TEAD4: variants seen among roughly 807,000 people sequenced by gnomAD.
The protein encoded by TEAD4 is TEA domain transcription factor 4, also known as transcriptional enhancer factor TEF-3.
TEAD4 carries 36 observed loss-of-function variants against 52.4 expected under a neutral mutation model. The observed-to-expected ratio is 0.69, with a 90% CI of 0.53 to 0.91. TEAD4 has a LOEUF of 0.91. Ranked by LOEUF, TEAD4 falls within the 40% of genes least tolerant of loss-of-function variation. The pLI is 0.00. For synonymous variants in TEAD4, 220 were observed against 231.0 expected (o/e 0.95, Z 0.43); for missense variants, 508 against 583.9 (o/e 0.87, Z 1.34).
chr12:3,019,541 G>C (rs113515288), intron 8 of TEAD4, among the ~76,000 whole-genome samples: 1 of 152,192 alleles, frequency 6.6e-6, no homozygotes, highest in Non-Finnish European at 1.5e-5. Context: ...GGGGTGTCTA[G>C]CTCACCAGCC....
chr12:3,033,449 G>A (rs1173524772), intron 10 of TEAD4, among the ~76,000 whole-genome samples: 2 of 152,210 alleles, frequency 1.3e-5, no homozygotes, highest in Non-Finnish European at 2.9e-5. Flanking sequence ...CGGTGAGAGG[G>A]GGCCTTTGGT....
chr12:2,980,375 CATCTAACTTGCAT>C (rs1201675598), intron 2 of TEAD4, among the ~76,000 whole-genome samples: 1 of 152,214 alleles, frequency 6.6e-6, no homozygotes, highest in Non-Finnish European at 1.5e-5. Context: ...CAACTCTGCA[CATCTAACTTGCAT>C]CCCTCGTGCT....
chr12:2,993,410 C>G (rs1003165553), intron 2 of TEAD4, among the ~76,000 whole-genome samples: 3 of 152,146 alleles, frequency 2.0e-5, no homozygotes, highest in Admixed American at 2.0e-4. Flanking sequence ...CTCAGCCTCC[C>G]TAAGTGCTGG....
At chr12:2,992,874 G>A (rs1258151091) in intron 2 of TEAD4, among the ~76,000 whole-genome samples, 8 of 152,128 alleles carry the variant, frequency 5.3e-5, no homozygotes, top group African/African-American at 1.4e-4. Flanking sequence ...AACTATGTTT[G>A]GAAGCTTACA....
In TEAD4 at chr12:2,985,339, T is replaced by C. The variant is rs371279100; in HGVS notation, c.-29-9399T>C. ...GGTGGAGCTTGCAGTGAGCCGAGAT[T>C]GCGCCACTGTACTCCAGCCTGGGTG... On this transcript the variant is annotated intron_variant, in intron 2 of 12. Transcript: ENST00000359864. Among the ~76,000 whole-genome samples the C allele has an allele frequency of 2.9e-3, 440 of 151,598 alleles. 8 individuals are homozygous for C. The South Asian group carries it at 0.037, about 13-fold the overall frequency.
intron 2 of TEAD4, among the ~76,000 whole-genome samples, chr12:2,980,571 A>G (rs2098233355): frequency 6.6e-6 from 1 of 151,816 alleles, no homozygotes; most frequent in South Asian, 2.1e-4. Context: ...CACCTCTACT[A>G]AAAAAACAAA....
intron 2 of TEAD4, among the ~76,000 whole-genome samples, chr12:2,975,425 G>T (rs2098228843): frequency 6.6e-6 from 1 of 151,770 alleles, no homozygotes; most frequent in South Asian, 2.1e-4. Flanking sequence ...TCTTGCTCTT[G>T]TTGCCCAGGC....
chr12:2,969,688 G>A (rs1391027006), intron 2 of TEAD4, among the ~76,000 whole-genome samples: 2 of 152,232 alleles, frequency 1.3e-5, no homozygotes, highest in African/African-American at 2.4e-5. Context: ...GGCTTGGGAC[G>A]AGGGTGCAGT....
chr12:3,015,642 C>T (rs772665255), intron 5 of TEAD4, among the ~76,000 whole-genome samples: 5 of 152,170 alleles, frequency 3.3e-5, no homozygotes, highest in South Asian at 2.1e-4. Flanking sequence ...CAGGGCTCAC[C>T]GTTGCTTCTC....
chr12:3,032,710 C>T (rs2098276476), intron 10 of TEAD4, among the ~76,000 whole-genome samples: 1 of 152,136 alleles, frequency 6.6e-6, no homozygotes, highest in South Asian at 2.1e-4. Flanking sequence ...CCTGAGCCCT[C>T]TGAGTGCCAG....
At chr12:2,989,859 T>A (rs1019378557) in intron 2 of TEAD4, among the ~76,000 whole-genome samples, 1 of 152,260 alleles carries the variant, frequency 6.6e-6, no homozygotes, top group African/African-American at 2.4e-5. Context: ...TGTGTTCCTT[T>A]TATTTGAATT....
Position 3,019,134 on chromosome 12 carries a change from C to A in TEAD4, c.547C>A (p.Gln183Lys). The A allele has an allele frequency of 6.2e-7, 1 of 1,614,062 alleles. No individual in the cohort carries two copies. Among genetic ancestry groups the A allele is most frequent in the Non-Finnish European group, 8.5e-7 (1 of 1,179,986 alleles). Reference sequence around the variant, plus strand: ...CCGCAGTGTGAAGCCTTTCTCTCAGCAAACCTATGCTGTCCAGCCTCCGCT... The same window carrying A: ...CCGCAGTGTGAAGCCTTTCTCTCAGAAAACCTATGCTGTCCAGCCTCCGCT... Residue 183 changes from glutamine (Q) to lysine (K), a missense_variant, in exon 8 of 13, where the codon CAA becomes AAA. Transcript: ENST00000359864.
intron 2 of TEAD4, among the ~76,000 whole-genome samples, chr12:2,993,360 T>C (rs1445160862): frequency 6.6e-6 from 1 of 152,210 alleles, no homozygotes; most frequent in Non-Finnish European, 1.5e-5. Context: ...TTAGTAGAGA[T>C]GAAGTCTTGC....
chr12:3,034,567 G>A (rs370328733), intron 10 of TEAD4, among the ~76,000 whole-genome samples: 1 of 152,168 alleles, frequency 6.6e-6, no homozygotes, highest in South Asian at 2.1e-4. Flanking sequence ...TGGGAGGTGT[G>A]GATGCCAGTC....
intron 10 of TEAD4, among the ~76,000 whole-genome samples, chr12:3,022,547 C>T (rs150571199): frequency 6.8e-4 from 103 of 152,312 alleles, no homozygotes; most frequent in African/African-American, 2.4e-3. Flanking sequence ...AAACACCCAC[C>T]CAGCTTCTCA....
In TEAD4 at chr12:2,969,096, T is replaced by C. The variant is rs11062439; in HGVS notation, c.-30+9056T>C. Among the ~76,000 whole-genome samples, 314 of 152,354 alleles carry C rather than the reference T, an allele frequency of 2.1e-3. 6 individuals carry two copies. The East Asian group carries it at 0.054, about 26-fold the overall frequency. The stretch of plus-strand genomic sequence containing the variant: ...ATCTGACCTGAAGTCTATTACTTCA[T>C]TATGTAAAACCACATAAAACTAGTG... On this transcript the variant is annotated intron_variant, in intron 2 of 12. Coordinates refer to ENST00000359864, the MANE Select transcript of TEAD4 (RefSeq NM_003213.4).
chr12:2,961,892 A>T (rs1010575290), intron 2 of TEAD4, among the ~76,000 whole-genome samples: 2 of 152,108 alleles, frequency 1.3e-5, no homozygotes, highest in South Asian at 4.2e-4. Flanking sequence ...ATTTACTGTG[A>T]GCCAGGCCCT....
intron 2 of TEAD4, among the ~76,000 whole-genome samples, chr12:2,993,674 C>T (rs1462309326): frequency 6.7e-6 from 1 of 149,886 alleles, no homozygotes; most frequent in East Asian, 2.0e-4. Context: ...GATGGGGTCT[C>T]CCGATATTGC....
intron 11 of TEAD4, among the ~76,000 whole-genome samples, chr12:3,038,672 A>G (rs1375769829): frequency 1.3e-5 from 2 of 152,226 alleles, no homozygotes; most frequent in Non-Finnish European, 2.9e-5. Context: ...CCCCCGGCCA[A>G]GGGCAGTGCA....
Sources: gnomAD v4.1 joint callset for allele counts (sites outside exome capture counted in the v4.1 genomes callset) on GRCh38, gnomAD v4.1.1 for gene constraint, MANE v1.5 for transcripts, NCBI Gene and HGNC (gene_info 2026-07-23, HGNC 2026-07-21) for gene names.